Variants in PIK3IP1 observed in about 807,000 individuals in gnomAD.
PIK3IP1 encodes the protein phosphoinositide-3-kinase-interacting protein 1.
In PIK3IP1, 28 loss-of-function variants were observed where a neutral mutation model predicts 30.7. The ratio of observed to expected loss-of-function variants is 0.91; its 90% CI spans 0.68 to 1.25. The LOEUF is 1.25. PIK3IP1 is among the 50% of genes most tolerant of loss of function. The pLI is 0.00. For synonymous variants in PIK3IP1, 159 were observed against 140.8 expected (o/e 1.13, Z -0.91); for missense variants, 333 against 346.2 (o/e 0.96, Z 0.30).
rs1299206046 is a variant in PIK3IP1, at chr22:31,282,900, C to A, written c.*184G>T. On this transcript the variant is annotated 3_prime_UTR_variant, in exon 6 of 6. Coordinates refer to ENST00000215912, the MANE Select transcript of PIK3IP1 (RefSeq NM_052880.5). ...GGATGGACAAGGAGCACTGTTAGGA[C>A]CCTACCCAGCCTTACCCTCAGCCCA... 3.4e-6 allele frequency: 2 copies of A among 594,400 alleles called. No homozygotes were observed. 36.8% of individuals were successfully genotyped at this position (594,400 alleles called of 1,614,324 possible). A position where few individuals can be genotyped will look rare whatever the true frequency, so the allele number is the denominator to read the frequency against.
rs1312674995 is a variant in PIK3IP1 at position 31,291,365 on chromosome 22, C to A, written c.71-69G>T. ...AACGGAAGACGCCCAGCGTGGCGGA[C>A]AGGGGAGCCGGGACCACCCGGGCTG... is the stretch of plus-strand genomic sequence containing the variant. On this transcript the variant is annotated intron_variant, in intron 1 of 5. Transcript: ENST00000215912. 2.7e-6 allele frequency: 4 copies of A among 1,485,782 alleles called. No individual in the cohort carries two copies. In the African/African-American group the frequency reaches 5.6e-5, roughly 21 times the overall value. 92.0% of individuals were successfully genotyped at this position (1,485,782 alleles called of 1,614,324 possible).
intron 3 of PIK3IP1, 74 bp downstream of exon 3, chr22:31,290,891 A>G (rs1025841970): frequency 2.0e-6 from 3 of 1,465,312 alleles, no homozygotes; most frequent in Non-Finnish European, 2.7e-6. Flanking sequence ...GCGCGGCCGC[A>G]CGTGCGCCAC....
intron 1 of PIK3IP1, among the ~76,000 whole-genome samples, 156 bp from the exon 2 acceptor site, chr22:31,291,452 A>ACCCCCCCCCCC: frequency 9.5e-6 from 1 of 105,462 alleles, no homozygotes. Flanking sequence ...TCGTGGCAAC[A>ACCCCCCCCCCC]CCCCCACGCC....
At chr22:31,290,912 G>C (rs1409243585) in intron 3 of PIK3IP1, 53 bp downstream of exon 3, 1 of 1,520,234 alleles carries the variant, frequency 6.6e-7, no homozygotes, top group African/African-American at 1.5e-5. Flanking sequence ...GAGTGTCTCA[G>C]CCGCTTCCTG....
chr22:31,283,726 G>A (rs1010622244), intron 5 of PIK3IP1, among the ~76,000 whole-genome samples: 9 of 150,606 alleles, frequency 6.0e-5, no homozygotes, highest in African/African-American at 2.2e-4. Flanking sequence ...CACCTGGCCA[G>A]ATAGAGACTC....
intron 5 of PIK3IP1, among the ~76,000 whole-genome samples, chr22:31,284,361 T>A (rs935609873): frequency 6.6e-6 from 1 of 152,214 alleles, no homozygotes; most frequent in Non-Finnish European, 1.5e-5. Flanking sequence ...TCAATTTGTA[T>A]TAATGAGGCA....
Position 31,282,964 on chromosome 22 carries a change from C to CA in PIK3IP1, c.*119dup. On this transcript the variant is annotated 3_prime_UTR_variant, in exon 6 of 6. Transcript: ENST00000215912. Reference sequence around the variant, plus strand: ...TTCTGTCACTCTTACTAGGATTCGCCAAAAAAGCGGGGGAGTGGTAGGGTT... The same window carrying CA: ...TTCTGTCACTCTTACTAGGATTCGCCAAAAAAAGCGGGGGAGTGGTAGGGTT... 1 of 781,106 alleles carries CA rather than the reference C, an allele frequency of 1.3e-6. No individual in the cohort carries two copies. The highest frequency in any genetic ancestry group is 2.0e-6 in the Non-Finnish European group (1 of 496,678). The allele number at this position is 781,106 out of a possible 1,614,324, so 48.4% of individuals were successfully genotyped here.
At chr22:31,288,275 G>T (rs1236768703) in intron 5 of PIK3IP1, among the ~76,000 whole-genome samples, 2 of 152,108 alleles carry the variant, frequency 1.3e-5, no homozygotes, top group African/African-American at 4.8e-5. Context: ...TACTCAGTGG[G>T]GGTGGGTGGG....
chr22:31,290,071 G>C (rs1032010876), intron 3 of PIK3IP1: 2 of 191,576 alleles, frequency 1.0e-5, no homozygotes, highest in Non-Finnish European at 2.2e-5. Flanking sequence ...CTAAGCGTAC[G>C]CTCTGTGCCA....
At position 31,291,065 on chromosome 22, in the gene PIK3IP1, G is replaced by A. The variant is rs1459412710; in HGVS notation, c.207C>T (p.Tyr69=). Reference sequence around the variant, plus strand: ...GCGGGTCCTCGTCCGGGTTTCGGCAGTAACTGTGATTGCCGGCCCCTAAGA... The same window carrying A: ...GCGGGTCCTCGTCCGGGTTTCGGCAATAACTGTGATTGCCGGCCCCTAAGA... ...APVSGAGNHS[Y]CRNPDEDPRG... The change falls in exon 3 of 6, where the codon TAC becomes TAT. Residue 69 remains tyrosine (Y), a synonymous_variant. Transcript: ENST00000215912. 9 of 1,559,738 alleles carry A rather than the reference G, an allele frequency of 5.8e-6. No individual in the cohort carries two copies. The East Asian group carries it at 1.7e-4, about 29-fold the overall frequency.
intron 3 of PIK3IP1, 91 bp from the exon 4 acceptor site, chr22:31,289,790 G>A: frequency 7.3e-7 from 1 of 1,367,244 alleles, no homozygotes; most frequent in Non-Finnish European, 1.0e-6. Context: ...GTAGATGAAG[G>A]TGGGTCACCT....
chr22:31,292,127 G>A, intron 1 of PIK3IP1, 148 bp downstream of exon 1: 2 of 708,756 alleles, frequency 2.8e-6, no homozygotes, highest in East Asian at 2.7e-5. Context: ...CCCCTGACAA[G>A]GAAAGGAGGG....
intron 5 of PIK3IP1, 73 bp downstream of exon 5, chr22:31,289,242 G>A (rs768554371): frequency 2.7e-6 from 4 of 1,501,406 alleles, no homozygotes; most frequent in Non-Finnish European, 2.8e-6. Flanking sequence ...TTTTGGGTAA[G>A]AAAGCCACAA....
intron 5 of PIK3IP1, among the ~76,000 whole-genome samples, chr22:31,284,338 T>C (rs1407024205): frequency 2.0e-5 from 3 of 152,172 alleles, no homozygotes; most frequent in Admixed American, 6.5e-5. Flanking sequence ...TACAAGTCTT[T>C]AGGGGAAAAA....
intron 3 of PIK3IP1, 139 bp downstream of exon 3, chr22:31,290,826 G>A (rs2049170159): frequency 3.2e-5 from 41 of 1,283,516 alleles, no homozygotes; most frequent in Non-Finnish European, 3.9e-5. Flanking sequence ...CCGCGGCCTG[G>A]AGACAGCCCT....
At chr22:31,283,672 C>T (rs1441065470) in intron 5 of PIK3IP1, among the ~76,000 whole-genome samples, 1 of 151,604 alleles carries the variant, frequency 6.6e-6, no homozygotes, top group Non-Finnish European at 1.5e-5. Context: ...CTCAAGCGAT[C>T]CTCCCACCCC....
At chr22:31,287,797 A>T (rs548894083) in intron 5 of PIK3IP1, among the ~76,000 whole-genome samples, 1 of 152,220 alleles carries the variant, frequency 6.6e-6, no homozygotes, top group Admixed American at 6.5e-5. Flanking sequence ...ACTTCTCTCC[A>T]CCAAATGCTA....
At chr22:31,283,364 G>A (rs772548533) in intron 5 of PIK3IP1, 76 bp from the exon 6 acceptor site, 16 of 1,486,872 alleles carry the variant, frequency 1.1e-5, no homozygotes, top group Admixed American at 1.9e-5. Flanking sequence ...CATCCCTGAG[G>A]CTCAGCAAGA....
In PIK3IP1 at chr22:31,291,196, G is replaced by A. The variant is rs1235153983; in HGVS notation, c.171C>T (p.Ala57=). 1 of 1,548,522 alleles carries A rather than the reference G, an allele frequency of 6.5e-7. No individual in the cohort carries two copies. Among genetic ancestry groups the A allele is most frequent in the Non-Finnish European group, 8.7e-7 (1 of 1,146,182 alleles). Residue 57 remains alanine (A), a synonymous_variant, in exon 2 of 6, where the codon GCC becomes GCT. Transcript: ENST00000215912. Reference sequence around the variant, plus strand: ...GACACTTACCCGACACGGGGGCCGAGGCCAGCCCGCTCTGCGCGTCCAGCC... The same window carrying A: ...GACACTTACCCGACACGGGGGCCGAAGCCAGCCCGCTCTGCGCGTCCAGCC... ...LNWLDAQSGL[A]SAPVSGAGNH... is the part of the protein sequence containing the mutation.
Sources: allele counts gnomAD v4.1 joint callset (sites outside exome capture counted in the v4.1 genomes callset), GRCh38; gene constraint gnomAD v4.1.1; transcripts MANE v1.5; gene names NCBI Gene and HGNC (gene_info 2026-07-23, HGNC 2026-07-21).